Variants in MCU observed in about 807,000 individuals in gnomAD.
MCU encodes calcium uniporter protein, mitochondrial.
Under a neutral mutation model 45.2 loss-of-function variants are expected in MCU, and 12 were observed. The ratio of observed to expected loss-of-function variants is 0.27; its 90% CI spans 0.17 to 0.43. The LOEUF (loss-of-function observed/expected upper bound fraction) is 0.43, where lower values mean the gene tolerates loss of function less well. MCU is among the 20% of genes least tolerant of loss of function. The pLI, the probability that MCU is intolerant of heterozygous loss-of-function variation, is 1.00. For missense variants in MCU, 324 were observed against 436.7 expected (o/e 0.74, Z 2.30); for synonymous variants, 160 against 165.1 (o/e 0.97, Z 0.24).
chr10:72,706,575 G>T (rs1253992292), intron 1 of MCU, among the ~76,000 whole-genome samples: 1 of 148,670 alleles, frequency 6.7e-6, no homozygotes, highest in African/African-American at 2.5e-5. Context: ...GTCTCGCTCT[G>T]TCGCCAGGCT....
At chr10:72,759,827 T>C (rs111750037) in intron 1 of MCU, among the ~76,000 whole-genome samples, 3 of 152,218 alleles carry the variant, frequency 2.0e-5, no homozygotes, top group African/African-American at 7.2e-5. Context: ...CCAGAGCTCT[T>C]TCTCTCCACC....
intron 1 of MCU, among the ~76,000 whole-genome samples, chr10:72,738,883 T>C (rs1843286330): frequency 6.6e-6 from 1 of 152,234 alleles, no homozygotes; most frequent in African/African-American, 2.4e-5. Context: ...CATCTTTTTG[T>C]GTGGGATATC....
intron 1 of MCU, among the ~76,000 whole-genome samples, chr10:72,762,434 T>G (rs2132724349): frequency 6.6e-6 from 1 of 152,238 alleles, no homozygotes; most frequent in East Asian, 1.9e-4. Flanking sequence ...ACAGGGATTT[T>G]TTTTTTTTAA....
At chr10:72,866,052 C>T (rs1248132515) in intron 4 of MCU, among the ~76,000 whole-genome samples, 1 of 152,156 alleles carries the variant, frequency 6.6e-6, no homozygotes, top group African/African-American at 2.4e-5. Flanking sequence ...GCTGGGATTA[C>T]AGGTGTGAGC....
intron 1 of MCU, among the ~76,000 whole-genome samples, chr10:72,751,769 C>T (rs1843503178): frequency 6.6e-6 from 1 of 152,018 alleles, no homozygotes; most frequent in South Asian, 2.1e-4. Flanking sequence ...TTATTAATCC[C>T]TCAGTGTCAT....
rs1328571455 is a variant in MCU at position 72,822,603 on chromosome 10, A to G, written c.151-11756A>G. On this transcript the variant is annotated intron_variant, in intron 1 of 7. Coordinates refer to ENST00000373053, the MANE Select transcript of MCU (RefSeq NM_138357.3). ...GTAAGCATATGAAAAGATGCTCAACATCATTACTTATAAGAGAAATGGAAA... is the reference window on the plus strand; with the variant it reads ...GTAAGCATATGAAAAGATGCTCAACGTCATTACTTATAAGAGAAATGGAAA... Among the ~76,000 whole-genome samples, 19 of 152,254 alleles carry G rather than the reference A, an allele frequency of 1.2e-4. 2 individuals carry two copies. The highest frequency in any genetic ancestry group is 1.2e-3 in the Admixed American group (19 of 15,286).
intron 1 of MCU, among the ~76,000 whole-genome samples, chr10:72,832,140 C>T (rs1257690537): frequency 8.5e-5 from 13 of 152,078 alleles, no homozygotes; most frequent in Non-Finnish European, 1.9e-4. Flanking sequence ...GATCATAGAT[C>T]ACTGCAGCCT....
intron 1 of MCU, among the ~76,000 whole-genome samples, chr10:72,805,599 G>A (rs1844436094): frequency 6.6e-6 from 1 of 152,064 alleles, no homozygotes; most frequent in African/African-American, 2.4e-5. Flanking sequence ...AGGTGTCAAT[G>A]AGAACCCAAT....
chr10:72,763,143 C>T (rs1843678204), intron 1 of MCU, among the ~76,000 whole-genome samples: 1 of 152,132 alleles, frequency 6.6e-6, no homozygotes, highest in South Asian at 2.1e-4. Flanking sequence ...TAGATTGTGC[C>T]CACCTGGATA....
intron 1 of MCU, among the ~76,000 whole-genome samples, chr10:72,711,639 G>A (rs936802996): frequency 1.3e-5 from 2 of 150,222 alleles, no homozygotes; most frequent in Non-Finnish European, 3.0e-5. Context: ...GAGGCCAGTA[G>A]TTTGAGGTTA....
chr10:72,863,181 A>G (rs1845405720), intron 4 of MCU, among the ~76,000 whole-genome samples: 1 of 152,104 alleles, frequency 6.6e-6, no homozygotes, highest in Non-Finnish European at 1.5e-5. Flanking sequence ...CAAAATTGTC[A>G]ATATTGACTC....
At chr10:72,707,255 G>A (rs1471350326) in intron 1 of MCU, among the ~76,000 whole-genome samples, 1 of 147,878 alleles carries the variant, frequency 6.8e-6, no homozygotes, top group Admixed American at 6.8e-5. Flanking sequence ...CTGGAGGTCA[G>A]TGGTGTGATC....
At chr10:72,764,975 G>A (rs1843704007) in intron 1 of MCU, among the ~76,000 whole-genome samples, 1 of 151,960 alleles carries the variant, frequency 6.6e-6, no homozygotes, top group African/African-American at 2.4e-5. Context: ...TAGAGGGCCG[G>A]GAGTAATGGC....
At chr10:72,745,831 A>AT (rs990610315) in intron 1 of MCU, among the ~76,000 whole-genome samples, 94 of 151,660 alleles carry the variant, frequency 6.2e-4, no homozygotes, top group African/African-American at 2.1e-3. Flanking sequence ...AGCTATTCAA[A>AT]TTTTTTTTTA....
At chr10:72,714,746 G>A (rs1259445656) in intron 1 of MCU, among the ~76,000 whole-genome samples, 5 of 152,004 alleles carry the variant, frequency 3.3e-5, no homozygotes, top group Non-Finnish European at 5.9e-5. Context: ...GTGTCTCCAT[G>A]TTGGTCAGGC....
chr10:72,787,163 G>C (rs550988156), intron 1 of MCU, among the ~76,000 whole-genome samples: 20 of 152,308 alleles, frequency 1.3e-4, no homozygotes, highest in Admixed American at 1.3e-3. Context: ...TCTAAACCCA[G>C]CTGAAGTCCT....
intron 1 of MCU, among the ~76,000 whole-genome samples, chr10:72,758,814 ATC>A (rs1371481885): frequency 6.6e-6 from 1 of 152,170 alleles, no homozygotes; most frequent in African/African-American, 2.4e-5. Context: ...CTTTTAAAAA[ATC>A]TCTCTTTTCC....
intron 1 of MCU, among the ~76,000 whole-genome samples, chr10:72,781,277 A>T (rs1843989765): frequency 6.6e-6 from 1 of 152,222 alleles, no homozygotes; most frequent in South Asian, 2.1e-4. Context: ...CTTTGTTTAG[A>T]TGTATAAGCT....
intron 2 of MCU, among the ~76,000 whole-genome samples, chr10:72,851,324 A>G (rs895417243): frequency 2.0e-5 from 3 of 152,174 alleles, no homozygotes; most frequent in Non-Finnish European, 4.4e-5. Context: ...GTTTTAGTGC[A>G]TTTGTAACTG....
Sources: allele counts gnomAD v4.1 joint callset (sites outside exome capture counted in the v4.1 genomes callset), GRCh38; gene constraint gnomAD v4.1.1; transcripts MANE v1.5; gene names NCBI Gene and HGNC (gene_info 2026-07-23, HGNC 2026-07-21).